Variants in PACSIN2 observed in about 807,000 individuals in gnomAD.
PACSIN2 encodes protein kinase C and casein kinase substrate in neurons protein 2.
A neutral mutation model predicts 63.8 loss-of-function variants in PACSIN2; 25 were observed. That is an observed-to-expected ratio of 0.39 (90% CI 0.29 to 0.55). PACSIN2 has a LOEUF of 0.55. PACSIN2 is among the 20% of genes least tolerant of loss of function. The probability of loss-of-function intolerance (pLI) is 0.62; values close to 1 mark genes in which losing one functional copy is unlikely to be tolerated. For synonymous variants in PACSIN2, 255 were observed against 256.2 expected (o/e 1.00, Z 0.05); for missense variants, 518 against 646.9 (o/e 0.80, Z 2.16).
chr22:42,977,352 G>A lies in PACSIN2; in HGVS notation c.-78+37669C>T, dbSNP rs190884878. Among the ~76,000 whole-genome samples, 286 of 151,634 alleles carry A rather than the reference G, an allele frequency of 1.9e-3. 1 individual carries two copies. The highest frequency in any genetic ancestry group is 5.4e-3 in the Admixed American group (83 of 15,236). Reference sequence around the variant, plus strand: ...AAAAATTCAAAACAATCCAGTAGACGGAAAAACGGAGAAAGGATATAGGTA... The same window carrying A: ...AAAAATTCAAAACAATCCAGTAGACAGAAAAACGGAGAAAGGATATAGGTA... On this transcript the variant is annotated intron_variant, in intron 1 of 10. Coordinates refer to ENST00000263246, the MANE Select transcript of PACSIN2 (RefSeq NM_001184970.3).
In PACSIN2 at chr22:42,871,466, T is replaced by A; in HGVS notation, c.1352A>T (p.Asp451Val). The change falls in exon 11 of 11, where the codon GAT becomes GTT. Residue 451 changes from aspartate to valine, a missense_variant. By Grantham distance (152) the Asp-to-Val change is radical. Transcript: ENST00000263246. This position sits in a 1 kb window ranked among gnomAD's most constrained non-coding sequence, Gnocchi z 5.4. ...EHDELSFKAG[D>V]ELTKMEDEDE... The stretch of plus-strand genomic sequence containing the variant: ...CTCGTCCTCCATCTTGGTCAGCTCA[T>A]CCCCTGCAAGACAAAGAGGGAGCCG... 1.2e-6 allele frequency: 2 copies of A among 1,611,908 alleles called. No homozygotes were observed. The highest frequency in any genetic ancestry group is 2.2e-5 in the South Asian group (2 of 91,048).
chr22:42,887,490 CCCTCTGCCCATGT>C (rs1929578130), intron 5 of PACSIN2, among the ~76,000 whole-genome samples: 1 of 152,196 alleles, frequency 6.6e-6, no homozygotes, highest in Admixed American at 6.5e-5. Flanking sequence ...CTCTTGCCTC[CCCTCTGCCCATGT>C]CCTCTTCCTG....
chr22:42,940,936 T>C (rs1933130262), intron 1 of PACSIN2, among the ~76,000 whole-genome samples: 1 of 152,218 alleles, frequency 6.6e-6, no homozygotes, highest in Non-Finnish European at 1.5e-5. Flanking sequence ...ATCTAAAATG[T>C]ACACAATGAT....
At chr22:42,904,779 T>TGG (rs568671515) in intron 2 of PACSIN2, among the ~76,000 whole-genome samples, 14 of 152,086 alleles carry the variant, frequency 9.2e-5, no homozygotes, top group Admixed American at 5.2e-4. Flanking sequence ...ACCCGAATCC[T>TGG]GGTTTACTTT....
chr22:42,937,242 A>C (rs1932954330), intron 1 of PACSIN2, among the ~76,000 whole-genome samples: 2 of 152,132 alleles, frequency 1.3e-5, no homozygotes, highest in African/African-American at 4.8e-5. Context: ...TCCCCAAAGA[A>C]GGTGACACCT....
chr22:42,919,338 G>C (rs988331258), intron 1 of PACSIN2, among the ~76,000 whole-genome samples: 42 of 152,178 alleles, frequency 2.8e-4, no homozygotes, highest in African/African-American at 9.4e-4. Flanking sequence ...GGCGACAGCT[G>C]TGAAAGAATT....
chr22:42,911,404 T>A (rs1453726973), intron 2 of PACSIN2, among the ~76,000 whole-genome samples: 1 of 138,556 alleles, frequency 7.2e-6, no homozygotes, highest in Non-Finnish European at 1.5e-5. Flanking sequence ...AGACCTCAAC[T>A]GTTAAAAAAA....
In PACSIN2 at chr22:42,890,631, C is replaced by T. The variant is rs141018959; in HGVS notation, c.453+316G>A. On this transcript the variant is annotated intron_variant, in intron 4 of 10. Coordinates refer to ENST00000263246, the MANE Select transcript of PACSIN2 (RefSeq NM_001184970.3). ...TACTCGGAGGGCTGAGGCAGAATTG[C>T]TTGAACCCAGGAGGCACAGGTTGCA... is the stretch of plus-strand genomic sequence containing the variant. Among the ~76,000 whole-genome samples the T allele has an allele frequency of 1.6e-3, 251 of 152,320 alleles. 2 individuals carry two copies. Among genetic ancestry groups the T allele is most frequent in the African/African-American group, 5.8e-3 (241 of 41,580 alleles).
chr22:42,891,035 T>C lies in PACSIN2; in HGVS notation c.365A>G (p.Lys122Arg). The C allele has an allele frequency of 6.2e-7, 1 of 1,614,166 alleles. No homozygotes were observed. Among genetic ancestry groups the C allele is most frequent in the Non-Finnish European group, 8.5e-7 (1 of 1,180,024 alleles). ...CTCCTTGAAGCCGCCCATCATCTGCTTGTGAAAGGCTTCCTTCTGCCAGTT... is the reference window on the plus strand; with the variant it reads ...CTCCTTGAAGCCGCCCATCATCTGCCTGTGAAAGGCTTCCTTCTGCCAGTT... ...IKNWQKEAFH[K>R]QMMGGFKETK... The change falls in exon 4 of 11, where the codon AAG (lysine) becomes AGG (arginine). Residue 122 changes from lysine (K) to arginine (R), a missense_variant. Physicochemically the swap from Lys to Arg is conservative, Grantham distance 26. This residue lies in a region of PACSIN2 where 507 missense variants were observed against 612.3 expected (regional missense o/e 0.83). Transcript: ENST00000263246.
chr22:42,913,175 T>C (rs1205854416), intron 1 of PACSIN2, among the ~76,000 whole-genome samples: 1 of 152,062 alleles, frequency 6.6e-6, no homozygotes, highest in East Asian at 1.9e-4. Flanking sequence ...CTCGCTTGCC[T>C]TATCTGGAAA....
chr22:42,923,365 C>T lies in PACSIN2; in HGVS notation c.-77-11208G>A, dbSNP rs191924518. Among the ~76,000 whole-genome samples the T allele has an allele frequency of 8.1e-3, 1,237 of 152,280 alleles. 6 individuals are homozygous for T. Among genetic ancestry groups the T allele is most frequent in the Middle Eastern group, 0.024 (7 of 294 alleles). ...AGTAAAAGCCCAGGTCCTCCTGGCCCGCAGGCCCGCATCTGCTCACCTCCA... is the reference window on the plus strand; with the variant it reads ...AGTAAAAGCCCAGGTCCTCCTGGCCTGCAGGCCCGCATCTGCTCACCTCCA... On this transcript the variant is annotated intron_variant, in intron 1 of 10. Transcript: ENST00000263246.
rs1555950816 is a variant in PACSIN2, at chr22:43,010,398, AT to A, written c.-78+4622del. On this transcript the variant is annotated intron_variant, in intron 1 of 10. Coordinates refer to ENST00000263246, the MANE Select transcript of PACSIN2 (RefSeq NM_001184970.3). ...TGTTTAAAAATACATATATATATAT[AT>A]TTTTTTTTAATTGAAAATAAAAAAG... Among the ~76,000 whole-genome samples, 7 of 126,408 alleles carry A rather than the reference AT, an allele frequency of 5.5e-5. 1 individual carries two copies. In the South Asian group the frequency reaches 1.1e-3, roughly 20 times the overall value. The allele number at this position is 126,408 out of a possible 152,430, so 82.9% of individuals were successfully genotyped here. A position where few individuals can be genotyped will look rare whatever the true frequency, so the allele number is the denominator to read the frequency against.
intron 1 of PACSIN2, among the ~76,000 whole-genome samples, chr22:43,007,849 T>C (rs1418850206): frequency 1.3e-5 from 2 of 152,208 alleles, no homozygotes; most frequent in Non-Finnish European, 2.9e-5. Context: ...CCAGGACCAC[T>C]ACCTCTGACT....
intron 1 of PACSIN2, among the ~76,000 whole-genome samples, chr22:42,984,523 C>A (rs1160174614): frequency 6.6e-6 from 1 of 152,160 alleles, no homozygotes; most frequent in African/African-American, 2.4e-5. Flanking sequence ...TGAAAACCCA[C>A]ATGGCCAGGA....
rs879041077 is a variant in PACSIN2 at position 42,876,441 on chromosome 22, G to T, written c.1152-108C>A. On this transcript the variant is annotated intron_variant, in intron 9 of 10. Coordinates refer to ENST00000263246, the MANE Select transcript of PACSIN2 (RefSeq NM_001184970.3). ...GGAGCCTTGGGGCTCAGGGCTGAGG[G>T]CTCCTTCCGAAGGAGCACAGGTGGA... The T allele has an allele frequency of 4.5e-5, 40 of 887,122 alleles. No homozygotes were observed. The South Asian group carries it at 6.2e-4, about 14-fold the overall frequency. The allele number at this position is 887,122 out of a possible 1,614,324, so 55.0% of individuals were successfully genotyped here.
Position 42,879,128 on chromosome 22 carries a change from C to G in PACSIN2, c.948G>C (p.Glu316Asp), listed in dbSNP as rs377024421. Residue 316 changes from glutamate (E) to aspartate (D), a missense_variant, in exon 8 of 11, where the codon GAG (glutamate) becomes GAC (aspartate). Transcript: ENST00000263246. Reference protein sequence around the residue: ...ADLNRTLSRREKKKATDGVTL... With the variant: ...ADLNRTLSRRDKKKATDGVTL... ...TGACGCCGTCAGTGGCCTTCTTCTT[C>G]TCTCTCCGGCTGAGGGTTCGATTCA... The G allele has an allele frequency of 1.9e-5, 31 of 1,613,944 alleles. No homozygotes were observed. The highest frequency in any genetic ancestry group is 2.5e-5 in the Non-Finnish European group (30 of 1,179,978).
chr22:42,888,870 C>T (rs1376443942), intron 4 of PACSIN2, 72 bp from the exon 5 acceptor site: 1 of 1,480,308 alleles, frequency 6.8e-7, no homozygotes, highest in South Asian at 1.1e-5. Flanking sequence ...TCACACAGAC[C>T]ATGGGAATGC....
chr22:42,964,235 T>C (rs962081354), intron 1 of PACSIN2, among the ~76,000 whole-genome samples: 3 of 152,038 alleles, frequency 2.0e-5, no homozygotes, highest in African/African-American at 7.2e-5. Context: ...CTGGCCAACA[T>C]AGTGAAACCC....
At chr22:42,973,643 A>G (rs1266094094) in intron 1 of PACSIN2, among the ~76,000 whole-genome samples, 5 of 152,110 alleles carry the variant, frequency 3.3e-5, no homozygotes, top group African/African-American at 1.2e-4. Flanking sequence ...GGCAAGCCCC[A>G]CACTTGTGCC....
Sources: allele counts gnomAD v4.1 joint callset (sites outside exome capture counted in the v4.1 genomes callset), GRCh38; gene constraint gnomAD v4.1.1; regional missense constraint gnomAD v4.1.1; non-coding constraint Gnocchi (gnomAD v3.1); transcripts MANE v1.5; gene names NCBI Gene and HGNC (gene_info 2026-07-23, HGNC 2026-07-21).